The following CDH13 variants were observed in gnomAD, a reference collection of about 807,000 sequenced individuals.
CDH13 encodes cadherin-13.
In CDH13, 24 loss-of-function variants were observed where a neutral mutation model predicts 63.8. That is an observed-to-expected ratio of 0.38 (90% CI 0.27 to 0.53). The LOEUF is 0.53. CDH13 is among the 20% of genes least tolerant of loss of function. The pLI is 0.85. For missense variants in CDH13, 1,049 were observed against 903.1 expected (o/e 1.16, Z -2.07); for synonymous variants, 503 against 355.3 (o/e 1.42, Z -4.67).
intron 3 of CDH13, among the ~76,000 whole-genome samples, chr16:83,104,118 T>C (rs1221022246): frequency 1.3e-5 from 2 of 152,176 alleles, no homozygotes; most frequent in Non-Finnish European, 2.9e-5. Context: ...CCATTGAATA[T>C]TTATAACACT....
At chr16:83,189,691 GTCACAAGCTGCA>G (rs1338344313) in intron 4 of CDH13, among the ~76,000 whole-genome samples, 5 of 152,146 alleles carry the variant, frequency 3.3e-5, no homozygotes, top group Non-Finnish European at 5.9e-5. Context: ...AAAGAAGCTG[GTCACAAGCTGCA>G]TCCTTCTAGC....
intron 1 of CDH13, chr16:82,727,536 AACTTTGG>A (rs2151030540): frequency 6.6e-6 from 1 of 152,286 alleles, no homozygotes; most frequent in South Asian, 2.1e-4. Context: ...GTTAAGGATC[AACTTTGG>A]CTTCTGTGGA....
At chr16:82,975,668 A>T (rs914246146) in intron 2 of CDH13, among the ~76,000 whole-genome samples, 2 of 152,250 alleles carry the variant, frequency 1.3e-5, no homozygotes, top group Non-Finnish European at 2.9e-5. Context: ...CTCAACTCCA[A>T]GAAAATTGGA....
chr16:83,005,323 C>T (rs917667464), intron 2 of CDH13, among the ~76,000 whole-genome samples: 1 of 152,142 alleles, frequency 6.6e-6, no homozygotes, highest in Non-Finnish European at 1.5e-5. Context: ...GAACTCCAGG[C>T]CCCAGCCCCT....
chr16:83,496,105 G>A (rs369297785), intron 7 of CDH13, among the ~76,000 whole-genome samples: 20 of 151,882 alleles, frequency 1.3e-4, no homozygotes, highest in South Asian at 1.0e-3. Context: ...TACAGATTCA[G>A]TGCCATCCCC....
intron 7 of CDH13, among the ~76,000 whole-genome samples, chr16:83,587,116 T>G (rs926998064): frequency 3.3e-5 from 5 of 152,144 alleles, no homozygotes; most frequent in Non-Finnish European, 5.9e-5. Context: ...GAAAATGCAT[T>G]TGACTTAAGA....
rs183414229 is a variant in CDH13 at position 83,452,086 on chromosome 16, G to A, written c.782-34391G>A. 7.4e-4 allele frequency among the ~76,000 whole-genome samples: 113 copies of A among 152,190 alleles called. 1 individual carries two copies. The highest frequency in any genetic ancestry group is 1.7e-3 in the South Asian group (8 of 4,818). On this transcript the variant is annotated intron_variant, in intron 6 of 13. Transcript: ENST00000567109. The stretch of plus-strand genomic sequence containing the variant: ...CCTAATGTCACACGCACTCCCCACC[G>A]CCTGAGATTACAGGACAGGAGATAC...
At chr16:83,249,310 G>A (rs1905261221) in intron 5 of CDH13, among the ~76,000 whole-genome samples, 1 of 152,138 alleles carries the variant, frequency 6.6e-6, no homozygotes, top group Admixed American at 6.5e-5. Flanking sequence ...TTCTCACTCT[G>A]TCTTCACTGT....
At chr16:83,622,677 C>A (rs535015785) in intron 8 of CDH13, among the ~76,000 whole-genome samples, 1 of 152,154 alleles carries the variant, frequency 6.6e-6, no homozygotes, top group Non-Finnish European at 1.5e-5. Context: ...TACATTAGCC[C>A]GCTCTCGCTA....
At chr16:83,307,886 C>T (rs919646331) in intron 5 of CDH13, among the ~76,000 whole-genome samples, 1 of 152,094 alleles carries the variant, frequency 6.6e-6, no homozygotes, top group East Asian at 1.9e-4. Flanking sequence ...GGCAGCACTT[C>T]CATGCTGAGA....
chr16:83,511,973 T>TTA, intron 7 of CDH13, among the ~76,000 whole-genome samples: 1 of 152,188 alleles, frequency 6.6e-6, no homozygotes, highest in East Asian at 1.9e-4. Flanking sequence ...TTCCAGCACA[T>TTA]GGTTAGTCCT....
At chr16:83,377,333 C>G (rs1296968550) in intron 6 of CDH13, among the ~76,000 whole-genome samples, 1 of 152,104 alleles carries the variant, frequency 6.6e-6, no homozygotes, top group Non-Finnish European at 1.5e-5. Context: ...TGGCCCACAC[C>G]CAGCCCCCAG....
chr16:83,581,680 G>A (rs958617507), intron 7 of CDH13, among the ~76,000 whole-genome samples: 18 of 152,136 alleles, frequency 1.2e-4, no homozygotes, highest in African/African-American at 1.7e-4. Context: ...TTATCCAGGC[G>A]TAGGGGTATG....
chr16:83,077,972 A>G (rs544026562), intron 3 of CDH13, among the ~76,000 whole-genome samples: 5 of 152,162 alleles, frequency 3.3e-5, no homozygotes, highest in African/African-American at 9.6e-5. Context: ...CTTATTGACC[A>G]TTCTGTTCTG....
At chr16:82,855,290 C>A (rs966375309) in intron 1 of CDH13, among the ~76,000 whole-genome samples, 1 of 152,162 alleles carries the variant, frequency 6.6e-6, no homozygotes, top group Non-Finnish European at 1.5e-5. Flanking sequence ...ATGGAGAACA[C>A]AGCTCACCTG....
At chr16:83,396,428 G>T (rs1339099905) in intron 6 of CDH13, among the ~76,000 whole-genome samples, 1 of 152,148 alleles carries the variant, frequency 6.6e-6, no homozygotes, top group African/African-American at 2.4e-5. Flanking sequence ...CTCACTTCCA[G>T]GAGATTTGGA....
Position 83,797,315 on chromosome 16 carries a change from C to CT in CDH13, c.*2289dup, listed in dbSNP as rs1258206168. On this transcript the variant is annotated 3_prime_UTR_variant, in exon 14 of 14. Coordinates refer to ENST00000567109, the MANE Select transcript of CDH13 (RefSeq NM_001257.5). ...CAAGGAAACAAATACAGCATGACTC[C>CT]TTTTCTCTCAAGCTGGTAGGCTCTC... 1 of 152,248 alleles carries CT rather than the reference C, an allele frequency of 6.6e-6. No homozygotes were observed. The highest frequency in any genetic ancestry group is 1.5e-5 in the Non-Finnish European group (1 of 68,038). The allele number at this position is 152,248 out of a possible 1,614,324, so 9.4% of individuals were successfully genotyped here.
intron 8 of CDH13, among the ~76,000 whole-genome samples, chr16:83,651,230 T>A (rs1242315569): frequency 1.3e-5 from 2 of 152,234 alleles, no homozygotes; most frequent in African/African-American, 4.8e-5. Flanking sequence ...ACTAGGGTAC[T>A]GTAACAAAAA....
chr16:83,716,619 G>T (rs1407960814), intron 10 of CDH13, among the ~76,000 whole-genome samples: 1 of 152,042 alleles, frequency 6.6e-6, no homozygotes, highest in African/African-American at 2.4e-5. Context: ...GAGTAGCTGG[G>T]ACTACAGGCA....
Sources: allele counts gnomAD v4.1 joint callset (sites outside exome capture counted in the v4.1 genomes callset), GRCh38; gene constraint gnomAD v4.1.1; transcripts MANE v1.5; gene names NCBI Gene and HGNC (gene_info 2026-07-23, HGNC 2026-07-21).